ARID1A: variants seen among roughly 807,000 people sequenced by gnomAD.
ARID1A encodes AT-rich interaction domain 1A, also known as AT-rich interactive domain-containing protein 1A.
A neutral mutation model predicts 212.6 loss-of-function variants in ARID1A; 20 were observed. That is an observed-to-expected ratio of 0.09 (90% confidence interval 0.07 to 0.14). ARID1A has a LOEUF of 0.14. ARID1A is among the 10% of genes least tolerant of loss of function. The pLI, the probability that ARID1A is intolerant of heterozygous loss-of-function variation, is 1.00. For synonymous variants in ARID1A, 1,376 were observed against 1,222.1 expected, an observed-to-expected ratio of 1.13 and a Z score of -2.63; for missense variants, 2,587 against 3,059.0, an observed-to-expected ratio of 0.85 and a Z score of 3.64.
chr1:26,698,287 G>A (rs2080298808), intron 1 of ARID1A, among the ~76,000 whole-genome samples: 1 of 152,210 alleles, frequency 6.6e-6, no homozygotes, highest in Admixed American at 6.5e-5. Flanking sequence ...GATCTGATTG[G>A]CTCCCCATCT....
At chr1:26,711,346 C>A (rs1046017888) in intron 1 of ARID1A, among the ~76,000 whole-genome samples, 1 of 152,088 alleles carries the variant, frequency 6.6e-6, no homozygotes, top group Non-Finnish European at 1.5e-5. Flanking sequence ...AAGTCTCAAA[C>A]TCCTGACCTC....
In ARID1A at chr1:26,697,225, G is replaced by A. The variant is rs1407775826; in HGVS notation, c.822G>A (p.Met274Ile). 3.6e-6 allele frequency: 5 copies of A among 1,378,324 alleles called. No individual in the cohort carries two copies. The East Asian group carries it at 9.1e-5, about 25-fold the overall frequency. 85.4% of individuals were successfully genotyped at this position (1,378,324 alleles called of 1,614,324 possible). A position where few individuals can be genotyped will look rare whatever the true frequency, so the allele number is the denominator to read the frequency against. ...TCGCTCAGCAGCGCTTCGGGGCCAT[G>A]GGGGGAGGCGGCCCCTCCGCGGCCG... is the stretch of plus-strand genomic sequence containing the variant. ...SSFAQQRFGAMGGGGPSAAGG... is the reference protein window; with the variant it reads ...SSFAQQRFGAIGGGGPSAAGG... Residue 274 changes from methionine to isoleucine, a missense_variant, in exon 1 of 20, where the codon ATG (methionine) becomes ATA (isoleucine). By Grantham distance (10) the Met-to-Ile change is conservative. Transcript: ENST00000324856.
Position 26,775,170 on chromosome 1 carries a change from C to A in ARID1A, c.4943C>A (p.Ala1648Asp). The change falls in exon 18 of 20, where the codon GCC (alanine) becomes GAC (aspartate). Residue 1648 changes from alanine to aspartate, a missense_variant. By Grantham distance (126) the Ala-to-Asp change is moderately radical (BLOSUM62 -2). Around this residue, in one of 11 missense-constraint regions of ARID1A, gnomAD observed 890 missense variants for 1,098.2 expected, o/e 0.81. Transcript: ENST00000324856. Reference protein sequence around the residue: ...DITFPPGSVEATQPVLKQRRR... With the variant: ...DITFPPGSVEDTQPVLKQRRR... ...ACCTTCCCACCTGGCTCTGTTGAAG[C>A]CACACAGCCTGTGTTGAAGCAGAGG... 6.2e-7 allele frequency: 1 copy of A among 1,609,738 alleles called. No individual in the cohort carries two copies. The highest frequency in any genetic ancestry group is 8.5e-7 in the Non-Finnish European group (1 of 1,178,452).
rs2081107315 is a variant in ARID1A at position 26,773,787 on chromosome 1, C to G, written c.4005-15C>G. On this transcript the variant is annotated splice_polypyrimidine_tract_variant and intron_variant, in intron 16 of 19. Transcript: ENST00000324856. ...CACTGCCCACCCTAATCCTGTGTTT[C>G]TTTGCCTCCTATAGACATGATTCCT... 8 of 1,614,198 alleles carry G rather than the reference C, an allele frequency of 5.0e-6. No individual in the cohort carries two copies. Among genetic ancestry groups the G allele is most frequent in the Non-Finnish European group, 5.9e-6 (7 of 1,180,014 alleles).
intron 19 of ARID1A, 139 bp from the exon 20 acceptor site, chr1:26,778,884 C>A: frequency 1.3e-6 from 1 of 785,600 alleles, no homozygotes. Flanking sequence ...ACAATTTGCT[C>A]TGTGGAGAAC....
At chr1:26,768,818 G>A (rs1447788390) in intron 11 of ARID1A, among the ~76,000 whole-genome samples, 1 of 152,194 alleles carries the variant, frequency 6.6e-6, no homozygotes, top group East Asian at 1.9e-4. Context: ...TCCTGTGTAT[G>A]TTCTGTAGTC....
At chr1:26,759,656 G>C (rs763043280) in intron 4 of ARID1A, among the ~76,000 whole-genome samples, 1 of 152,054 alleles carries the variant, frequency 6.6e-6, no homozygotes, top group Non-Finnish European at 1.5e-5. Flanking sequence ...CATTTTCTGG[G>C]GTGAATATTT....
intron 1 of ARID1A, among the ~76,000 whole-genome samples, chr1:26,722,800 C>A (rs1429071944): frequency 6.6e-6 from 1 of 152,094 alleles, no homozygotes; most frequent in Non-Finnish European, 1.5e-5. Flanking sequence ...TTGGTATAAT[C>A]TAATGAGATT....
At chr1:26,719,043 C>T (rs955754981) in intron 1 of ARID1A, among the ~76,000 whole-genome samples, 1 of 152,100 alleles carries the variant, frequency 6.6e-6, no homozygotes, top group South Asian at 2.1e-4. Flanking sequence ...GGGGGGTACT[C>T]CTGTAGATCC....
chr1:26,697,168 C>T lies in ARID1A; in HGVS notation c.765C>T (p.Ser255=), dbSNP rs1475168782. Residue 255 remains serine (S), a synonymous_variant, in exon 1 of 20, where the codon TCC becomes TCT. Coordinates refer to ENST00000324856, the MANE Select transcript of ARID1A (RefSeq NM_006015.6). The stretch of plus-strand genomic sequence containing the variant: ...CCGGCTCCAAGCCGCCTCCCTCCTC[C>T]AGCGCCTCCGCCTCCTCGTCGTCTT... ...AAAGSKPPPS[S]SASASSSSSS... is the part of the protein sequence containing the mutation. 4.2e-6 allele frequency: 6 copies of T among 1,436,536 alleles called. No individual in the cohort carries two copies. The highest frequency in any genetic ancestry group is 3.0e-5 in the East Asian group (1 of 33,610). The allele number at this position is 1,436,536 out of a possible 1,614,324, so 89.0% of individuals were successfully genotyped here. A position where few individuals can be genotyped will look rare whatever the true frequency, so the allele number is the denominator to read the frequency against.
At chr1:26,704,187 T>C (rs749911773) in intron 1 of ARID1A, among the ~76,000 whole-genome samples, 19 of 152,164 alleles carry the variant, frequency 1.2e-4, no homozygotes, top group Non-Finnish European at 2.4e-4. Context: ...GAAAGAGTGG[T>C]TCCAGGGTCT....
At chr1:26,705,372 G>A (rs1380397926) in intron 1 of ARID1A, among the ~76,000 whole-genome samples, 2 of 151,666 alleles carry the variant, frequency 1.3e-5, no homozygotes, top group African/African-American at 2.4e-5. Context: ...TCCCAACCTC[G>A]GGTGTGATCC....
rs566477598 is a variant in ARID1A at position 26,729,331 on chromosome 1, A to C, written c.1138-320A>C. 8.2e-6 allele frequency: 3 copies of C among 366,434 alleles called. No individual in the cohort carries two copies. In the East Asian group the frequency reaches 1.7e-4, roughly 20 times the overall value. The allele number at this position is 366,434 out of a possible 1,614,324, so 22.7% of individuals were successfully genotyped here. On this transcript the variant is annotated intron_variant, in intron 1 of 19. Coordinates refer to ENST00000324856, the MANE Select transcript of ARID1A (RefSeq NM_006015.6). ...CAAGGTGATGGCAGTGCATAGCAGC[A>C]CCGTCCTCTACCAACTGAAGGGCCT...
chr1:26,719,828 C>G (rs1052697482), intron 1 of ARID1A, among the ~76,000 whole-genome samples: 8 of 150,376 alleles, frequency 5.3e-5, no homozygotes. Context: ...GTAATCCCAG[C>G]TACTCGGGAG....
chr1:26,737,062 C>T (rs1254240765), intron 4 of ARID1A, among the ~76,000 whole-genome samples: 4 of 152,106 alleles, frequency 2.6e-5, no homozygotes, highest in Non-Finnish European at 5.9e-5. Context: ...TTGGTAAGCA[C>T]CATCCTGTAT....
chr1:26,781,035 C>CT lies in ARID1A; in HGVS notation c.*286dup, dbSNP rs766238144. 5.6e-6 allele frequency: 2 copies of CT among 358,456 alleles called. No individual in the cohort carries two copies. Among genetic ancestry groups the CT allele is most frequent in the Admixed American group, 4.5e-5 (1 of 22,296 alleles). 22.2% of individuals were successfully genotyped at this position (358,456 alleles called of 1,614,324 possible). A position where few individuals can be genotyped will look rare whatever the true frequency, so the allele number is the denominator to read the frequency against. ...GACAAAGCTCTGCCTACATAGAAGACTTTTTTTATTTTAACCAAAGTTACT... is the reference window on the plus strand; with the variant it reads ...GACAAAGCTCTGCCTACATAGAAGACTTTTTTTTATTTTAACCAAAGTTACT... On this transcript the variant is annotated 3_prime_UTR_variant, in exon 20 of 20. Coordinates refer to ENST00000324856, the MANE Select transcript of ARID1A (RefSeq NM_006015.6).
rs2081008426 is a variant in ARID1A at position 26,763,183 on chromosome 1, C to G, written c.2630C>G (p.Pro877Arg). 6.2e-7 allele frequency: 1 copy of G among 1,614,280 alleles called. No individual in the cohort carries two copies. The highest frequency in any genetic ancestry group is 8.5e-7 in the Non-Finnish European group (1 of 1,180,056). The stretch of plus-strand genomic sequence containing the variant: ...GGCCCTAACATGGCCAATATGCCAC[C>G]TCAGGTTGGGTCAGGGATGTGTCCC... The part of the protein sequence containing the change: ...PYGPNMANMP[P>R]QVGSGMCPPP... Residue 877 changes from proline to arginine, a missense_variant, in exon 8 of 20, where the codon CCT becomes CGT. Pro to Arg is a moderately radical substitution (Grantham distance 103). Around this residue, in one of 11 missense-constraint regions of ARID1A, gnomAD observed 674 missense variants for 813.4 expected, o/e 0.83. Transcript: ENST00000324856.
In ARID1A at chr1:26,780,875, A is replaced by G; in HGVS notation, c.*119A>G. ...GAATCCAGTTTACCCTGTGCTGTCC[A>G]GCTTCTCCCTTGGGAAAAAGTCTCT... On this transcript the variant is annotated 3_prime_UTR_variant, in exon 20 of 20. Coordinates refer to ENST00000324856, the MANE Select transcript of ARID1A (RefSeq NM_006015.6). The surrounding 1 kb of genome is among the most constrained non-coding windows in gnomAD (Gnocchi z 7.2). 2 of 1,386,090 alleles carry G rather than the reference A, an allele frequency of 1.4e-6. No individual in the cohort carries two copies. Among genetic ancestry groups the G allele is most frequent in the Non-Finnish European group, 1.9e-6 (2 of 1,035,994 alleles). 85.9% of individuals were successfully genotyped at this position (1,386,090 alleles called of 1,614,324 possible). A position where few individuals can be genotyped will look rare whatever the true frequency, so the allele number is the denominator to read the frequency against.
Position 26,762,289 on chromosome 1 carries a change from G to C in ARID1A, c.2389G>C (p.Gly797Arg), listed in dbSNP as rs1284809501. The C allele has an allele frequency of 6.2e-7, 1 of 1,614,142 alleles. No homozygotes were observed. The highest frequency in any genetic ancestry group is 1.1e-5 in the South Asian group (1 of 91,068). ...CCAGCAGAACTCCATGGGGAGCTAT[G>C]GTCCCCAGGGGGGTCAGTATGGCCC... is the stretch of plus-strand genomic sequence containing the variant. ...SYQQNSMGSYGPQGGQYGPQG... is the reference protein window; with the variant it reads ...SYQQNSMGSYRPQGGQYGPQG... The change falls in exon 7 of 20, where the codon GGT (glycine) becomes CGT (arginine). Residue 797 changes from glycine to arginine, a missense_variant. This residue lies in a region of ARID1A where 674 missense variants were observed against 813.4 expected (regional missense o/e 0.83). Coordinates refer to ENST00000324856, the MANE Select transcript of ARID1A (RefSeq NM_006015.6).
Sources: gnomAD v4.1 joint callset for allele counts (sites outside exome capture counted in the v4.1 genomes callset) on GRCh38, gnomAD v4.1.1 for gene constraint, gnomAD v4.1.1 regional missense constraint, Gnocchi (gnomAD v3.1) non-coding constraint, MANE v1.5 for transcripts, NCBI Gene and HGNC (gene_info 2026-07-23, HGNC 2026-07-21) for gene names.